RASAL2: variants seen among roughly 807,000 people sequenced by gnomAD.
RASAL2 encodes the protein RAS protein activator like 2, also known as ras GTPase-activating protein nGAP.
In RASAL2, 58 loss-of-function variants were observed where a neutral mutation model predicts 128.9. That is an observed-to-expected ratio of 0.45 (90% CI 0.36 to 0.56). The LOEUF is 0.56. Among genes scored for constraint, RASAL2 ranks in the 20% least tolerant of loss-of-function variants. The pLI, the probability that RASAL2 is intolerant of heterozygous loss-of-function variation, is 0.00. For synonymous variants in RASAL2, 561 were observed against 580.8 expected (o/e 0.97, Z 0.49); for missense variants, 1,360 against 1,601.6 (o/e 0.85, Z 2.57).
chr1:178,424,427 G>A (rs112468284), intron 5 of RASAL2, among the ~76,000 whole-genome samples: 2 of 151,648 alleles, frequency 1.3e-5, no homozygotes, highest in Admixed American at 1.3e-4. Context: ...CAAAATTTTT[G>A]AGATAAACCA....
At chr1:178,321,074 A>G (rs1668747679) in intron 3 of RASAL2, among the ~76,000 whole-genome samples, 1 of 152,136 alleles carries the variant, frequency 6.6e-6, no homozygotes, top group Non-Finnish European at 1.5e-5. Context: ...ATCTGTGCAC[A>G]ATAATTTTTT....
chr1:178,291,807 C>T (rs1431089622), intron 2 of RASAL2, among the ~76,000 whole-genome samples: 1 of 152,166 alleles, frequency 6.6e-6, no homozygotes, highest in Non-Finnish European at 1.5e-5. Context: ...GAGGCCGAGG[C>T]AGGTGGATCA....
chr1:178,465,199 A>T (rs928552298), intron 15 of RASAL2, among the ~76,000 whole-genome samples: 3 of 152,188 alleles, frequency 2.0e-5, no homozygotes, highest in Non-Finnish European at 2.9e-5. Flanking sequence ...TGGGCAGGTG[A>T]GTCATATTAC....
intron 3 of RASAL2, among the ~76,000 whole-genome samples, chr1:178,380,158 G>A (rs1355933139): frequency 6.6e-6 from 1 of 152,110 alleles, no homozygotes; most frequent in East Asian, 1.9e-4. Flanking sequence ...CAAAGTGCTG[G>A]GATTACAGGC....
intron 1 of RASAL2, among the ~76,000 whole-genome samples, chr1:178,200,914 C>G (rs1662842264): frequency 6.6e-6 from 1 of 152,152 alleles, no homozygotes; most frequent in Non-Finnish European, 1.5e-5. Context: ...GATATGCTGC[C>G]TAAGGCAACA....
chr1:178,290,763 CCTCCTGGGTTCACGCCATT>C (rs1170633955), intron 2 of RASAL2, among the ~76,000 whole-genome samples: 1 of 152,068 alleles, frequency 6.6e-6, no homozygotes, highest in Non-Finnish European at 1.5e-5. Flanking sequence ...GCAAGCTCCG[CCTCCTGGGTTCACGCCATT>C]CTCCTGCCTC....
In RASAL2 at chr1:178,458,530, C is replaced by A; in HGVS notation, c.3238C>A (p.Gln1080Lys). The change falls in exon 14 of 18, where the codon CAA (glutamine) becomes AAA (lysine). Residue 1080 changes from glutamine (Q) to lysine (K), a missense_variant. This residue lies in a region of RASAL2 where 741 missense variants were observed against 868.6 expected (regional missense o/e 0.85). Coordinates refer to ENST00000367649, the MANE Select transcript of RASAL2 (RefSeq NM_170692.4). ...TCCCAAAGTTAGAGCAATCCAGAGA[C>A]AACAGACACAGCAGGTAGGTGTGAG... Reference protein sequence around the residue: ...PVPKVRAIQRQQTQQVQSPVD... With the variant: ...PVPKVRAIQRKQTQQVQSPVD... The A allele has an allele frequency of 6.2e-7, 1 of 1,609,834 alleles. No homozygotes were observed. Among genetic ancestry groups the A allele is most frequent in the Non-Finnish European group, 8.5e-7 (1 of 1,177,918 alleles).
At chr1:178,315,481 T>C (rs1668465527) in intron 3 of RASAL2, among the ~76,000 whole-genome samples, 1 of 145,260 alleles carries the variant, frequency 6.9e-6, no homozygotes, top group African/African-American at 2.8e-5. Flanking sequence ...TGATTGCCAT[T>C]CTAACTGGTG....
chr1:178,465,974 C>G lies in RASAL2; in HGVS notation c.3442C>G (p.Leu1148Val). The G allele has an allele frequency of 1.3e-6, 2 of 1,557,336 alleles. No homozygotes were observed. The highest frequency in any genetic ancestry group is 1.7e-6 in the Non-Finnish European group (2 of 1,149,628). ...GCGCCTGAGAGTTTCCAGCCGGCGA[C>G]TGGAGGAATATGAACGCCGCTTGCT... ...KERLRVSSRR[L>V]EEYERRLLVQ... Residue 1148 changes from leucine to valine, a missense_variant, in exon 16 of 18, where the codon CTG (leucine) becomes GTG (valine). By Grantham distance (32) the Leu-to-Val change is conservative. Transcript: ENST00000367649.
chr1:178,189,887 T>A (rs1031359868), intron 1 of RASAL2, among the ~76,000 whole-genome samples: 6 of 152,200 alleles, frequency 3.9e-5, no homozygotes, highest in Admixed American at 1.3e-4. Flanking sequence ...GTCCAATTGT[T>A]TTTGTAAACT....
At chr1:178,216,688 G>A (rs562385710) in intron 1 of RASAL2, among the ~76,000 whole-genome samples, 93 of 152,322 alleles carry the variant, frequency 6.1e-4, no homozygotes, top group African/African-American at 2.1e-3. Context: ...TGCTCAGGCT[G>A]AAGTGCAGTG....
intron 1 of RASAL2, among the ~76,000 whole-genome samples, chr1:178,276,992 G>C (rs12085104): frequency 0.27 from 40,776 of 150,914 alleles, 6,416 homozygotes; most frequent in African/African-American, 0.44. Flanking sequence ...ACTAAAAATA[G>C]AAAAAATTAG....
chr1:178,429,677 A>G (rs1342315183), intron 5 of RASAL2, among the ~76,000 whole-genome samples: 1 of 152,114 alleles, frequency 6.6e-6, no homozygotes, highest in Non-Finnish European at 1.5e-5. Context: ...ACAAAAGGCA[A>G]CATGGCCCAG....
chr1:178,108,845 A>T (rs1340021522), intron 1 of RASAL2, among the ~76,000 whole-genome samples: 1 of 152,198 alleles, frequency 6.6e-6, no homozygotes, highest in East Asian at 1.9e-4. Flanking sequence ...ATCGAGTTGT[A>T]TAAGTTTTAT....
At chr1:178,352,395 T>A (rs1670560593) in intron 3 of RASAL2, among the ~76,000 whole-genome samples, 2 of 152,166 alleles carry the variant, frequency 1.3e-5, no homozygotes, top group South Asian at 4.1e-4. Flanking sequence ...CAAAATAATC[T>A]CCTTTGACTC....
At chr1:178,227,192 G>A (rs1025732137) in intron 1 of RASAL2, among the ~76,000 whole-genome samples, 1 of 149,718 alleles carries the variant, frequency 6.7e-6, no homozygotes, top group African/African-American at 2.5e-5. Context: ...CAAACTTCCA[G>A]TTTAAAAAAA....
At chr1:178,247,198 G>A (rs1247515106) in intron 1 of RASAL2, among the ~76,000 whole-genome samples, 1 of 152,044 alleles carries the variant, frequency 6.6e-6, no homozygotes. Context: ...TCTGGTCCTG[G>A]GCTTTTTTTT....
chr1:178,376,268 T>A (rs1671984924), intron 3 of RASAL2, among the ~76,000 whole-genome samples: 1 of 152,066 alleles, frequency 6.6e-6, no homozygotes, highest in South Asian at 2.1e-4. Context: ...TTGAGTAAAG[T>A]TGAAGAGGGA....
chr1:178,218,453 G>A (rs1445873533), intron 1 of RASAL2, among the ~76,000 whole-genome samples: 4 of 152,148 alleles, frequency 2.6e-5, no homozygotes, highest in African/African-American at 7.2e-5. Context: ...TTGGAAGGCC[G>A]AGGCGGGCGG....
Sources: allele counts gnomAD v4.1 joint callset (sites outside exome capture counted in the v4.1 genomes callset), GRCh38; gene constraint gnomAD v4.1.1; regional missense constraint gnomAD v4.1.1; transcripts MANE v1.5; gene names NCBI Gene and HGNC (gene_info 2026-07-23, HGNC 2026-07-21).